Variants in LMTK2 observed in about 807,000 individuals in gnomAD.
LMTK2 encodes lemur tail kinase 2.
In LMTK2, 37 loss-of-function variants were observed where a neutral mutation model predicts 127.5. The ratio of observed to expected loss-of-function variants is 0.29; its 90% CI spans 0.22 to 0.38. LMTK2 has a LOEUF of 0.38. LMTK2 is among the 10% of genes least tolerant of loss of function. The pLI is 1.00. For missense variants in LMTK2, 1,694 were observed against 1,920.3 expected (o/e 0.88, Z 2.20); for synonymous variants, 819 against 810.1 (o/e 1.01, Z -0.19).
chr7:98,193,076 T>G lies in LMTK2; in HGVS notation c.2611T>G (p.Ser871Ala), dbSNP rs1279790579. 1.2e-6 allele frequency: 2 copies of G among 1,613,802 alleles called. No individual in the cohort carries two copies. Among genetic ancestry groups the G allele is most frequent in the African/African-American group, 2.7e-5 (2 of 75,030 alleles). ...TGTGACTGTCCCGGTTGAAATTCTCTCAACTGATGCCAGAACCCACAGCCT... is the reference window on the plus strand; with the variant it reads ...TGTGACTGTCCCGGTTGAAATTCTCGCAACTGATGCCAGAACCCACAGCCT... ...DAVTVPVEIL[S>A]TDARTHSLDN... is the part of the protein sequence containing the mutation. Residue 871 changes from serine (S) to alanine (A), a missense_variant, in exon 11 of 14, where the codon TCA becomes GCA. Transcript: ENST00000297293. This position sits in a 1 kb window ranked among gnomAD's most constrained non-coding sequence, Gnocchi z 4.1.
chr7:98,196,355 G>A (rs933930821), intron 11 of LMTK2, among the ~76,000 whole-genome samples: 1 of 152,176 alleles, frequency 6.6e-6, no homozygotes, highest in South Asian at 2.1e-4. Context: ...ACACGCTGCC[G>A]TTTTCTAGTA....
intron 1 of LMTK2, among the ~76,000 whole-genome samples, chr7:98,116,461 TGAA>T (rs2116322748): frequency 6.6e-6 from 1 of 152,148 alleles, no homozygotes; most frequent in Admixed American, 6.6e-5. Flanking sequence ...TGTGTGTGTG[TGAA>T]GGAGAGGGTA....
chr7:98,166,815 A>G (rs1584274864), intron 6 of LMTK2, among the ~76,000 whole-genome samples: 1 of 152,230 alleles, frequency 6.6e-6, no homozygotes, highest in Admixed American at 6.5e-5. Context: ...TGTTTGCACG[A>G]TGGTGAAATT....
chr7:98,125,528 T>C (rs1279580346), intron 1 of LMTK2, among the ~76,000 whole-genome samples: 1 of 152,218 alleles, frequency 6.6e-6, no homozygotes, highest in East Asian at 1.9e-4. Flanking sequence ...TTCTGCCTGG[T>C]GAACTTCACA....
At chr7:98,185,204 GC>G in intron 8 of LMTK2, 69 bp downstream of exon 8, 1 of 1,069,772 alleles carries the variant, frequency 9.3e-7, no homozygotes, top group Non-Finnish European at 1.4e-6. Context: ...GTCACCAAAT[GC>G]CCCACTGTTT....
chr7:98,194,612 A>G lies in LMTK2; in HGVS notation c.4107+40A>G, dbSNP rs751989470. On this transcript the variant is annotated intron_variant, in intron 11 of 13. Transcript: ENST00000297293. The surrounding 1 kb of genome is among the most constrained non-coding windows in gnomAD (Gnocchi z 5.4). ...TAAATCATTTTCTATACACATCCAT[A>G]TAAGGATTCCAAAATGTGCTAGGAA... The G allele has an allele frequency of 8.0e-6, 12 of 1,506,200 alleles. No homozygotes were observed. In the East Asian group the frequency reaches 1.1e-4, roughly 14 times the overall value. The allele number at this position is 1,506,200 out of a possible 1,614,324, so 93.3% of individuals were successfully genotyped here.
chr7:98,148,833 G>T (rs1796809723), intron 3 of LMTK2, among the ~76,000 whole-genome samples: 1 of 152,192 alleles, frequency 6.6e-6, no homozygotes, highest in African/African-American at 2.4e-5. Context: ...TGGGCCTGAA[G>T]ACCAGCTCCA....
intron 11 of LMTK2, among the ~76,000 whole-genome samples, chr7:98,200,437 C>G (rs1046159189): frequency 6.6e-6 from 1 of 152,180 alleles, no homozygotes; most frequent in African/African-American, 2.4e-5. Context: ...TTCTTTTCAA[C>G]CCAAAACAGA....
rs772100416 is a variant in LMTK2, at chr7:98,107,292, C to A, written c.103+12C>A. 1.2e-5 allele frequency: 15 copies of A among 1,279,600 alleles called. No individual in the cohort carries two copies. Among genetic ancestry groups the A allele is most frequent in the Non-Finnish European group, 1.5e-5 (15 of 1,010,478 alleles). The allele number at this position is 1,279,600 out of a possible 1,614,324, so 79.3% of individuals were successfully genotyped here. A position where few individuals can be genotyped will look rare whatever the true frequency, so the allele number is the denominator to read the frequency against. On this transcript the variant is annotated intron_variant, in intron 1 of 13. Coordinates refer to ENST00000297293, the MANE Select transcript of LMTK2 (RefSeq NM_014916.4). ...GCAAACAGGTGCAGGTGAGCGGGCC[C>A]GCGGCGGGGACGGGGCTGCGGGGTC...
intron 6 of LMTK2, among the ~76,000 whole-genome samples, chr7:98,165,543 C>G (rs993217626): frequency 1.3e-5 from 2 of 152,114 alleles, no homozygotes; most frequent in Non-Finnish European, 2.9e-5. Context: ...TCTCAAACTC[C>G]TGGTCTCAAG....
chr7:98,113,039 G>A (rs1410875274), intron 1 of LMTK2, among the ~76,000 whole-genome samples: 1 of 152,090 alleles, frequency 6.6e-6, no homozygotes, highest in African/African-American at 2.4e-5. Context: ...ACAGGTGTGT[G>A]CCACCATGCC....
Position 98,166,674 on chromosome 7 carries a change from T to TG in LMTK2, c.658-4865dup, listed in dbSNP as rs150206056. On this transcript the variant is annotated intron_variant, in intron 6 of 13. Transcript: ENST00000297293. Reference sequence around the variant, plus strand: ...AGAAATACTTGCCATCGTGTTACAGTGGCTTACACTGTTTTCAGTGCAGTA... The same window carrying TG: ...AGAAATACTTGCCATCGTGTTACAGTGGGCTTACACTGTTTTCAGTGCAGTA... Among the ~76,000 whole-genome samples the TG allele has an allele frequency of 4.2e-3, 638 of 152,330 alleles. 3 individuals are homozygous for TG. Among genetic ancestry groups the TG allele is most frequent in the African/African-American group, 0.015 (616 of 41,568 alleles).
At chr7:98,127,844 TAAA>T (rs1051794067) in intron 1 of LMTK2, among the ~76,000 whole-genome samples, 1 of 152,106 alleles carries the variant, frequency 6.6e-6, no homozygotes, top group African/African-American at 2.4e-5. Context: ...TTTGTACACT[TAAA>T]AATAAAAAAT....
Position 98,173,207 on chromosome 7 carries a change from C to T in LMTK2, c.791+1533C>T, listed in dbSNP as rs138456843. On this transcript the variant is annotated intron_variant, in intron 7 of 13. Transcript: ENST00000297293. ...AGTACCGTGCCTATCAGACTGTCAA[C>T]ATTCCTTCAAGGGGGGACAGAGGAA... Among the ~76,000 whole-genome samples, 399 of 152,288 alleles carry T rather than the reference C, an allele frequency of 2.6e-3. 2 individuals carry two copies. The highest frequency in any genetic ancestry group is 4.6e-3 in the Non-Finnish European group (313 of 68,026).
intron 1 of LMTK2, among the ~76,000 whole-genome samples, chr7:98,131,585 G>A (rs1796520738): frequency 6.6e-6 from 1 of 152,064 alleles, no homozygotes; most frequent in Non-Finnish European, 1.5e-5. Flanking sequence ...TGTTGCATAG[G>A]TGGTGATGTG....
In LMTK2 at chr7:98,192,838, T is replaced by TGAC; in HGVS notation, c.2376_2378dup (p.Asp793dup). On this transcript the variant is annotated inframe_insertion, in exon 11 of 14. Transcript: ENST00000297293. ...TGCAGGAAAACGTAAGCACAAAGGG[T>TGAC]GACGATACAGATGTCATGCTCACAG... is the stretch of plus-strand genomic sequence containing the variant. The TGAC allele has an allele frequency of 2.5e-6, 4 of 1,613,756 alleles. No homozygotes were observed. Among genetic ancestry groups the TGAC allele is most frequent in the Non-Finnish European group, 3.4e-6 (4 of 1,179,778 alleles).
At chr7:98,107,390 G>C in intron 1 of LMTK2, 110 bp downstream of exon 1, 1 of 460,286 alleles carries the variant, frequency 2.2e-6, no homozygotes, top group Non-Finnish European at 3.4e-6. Context: ...CCTGCCGGGG[G>C]CGGGAAGCCC....
At chr7:98,135,199 C>A (rs1350592271) in intron 1 of LMTK2, among the ~76,000 whole-genome samples, 1 of 152,208 alleles carries the variant, frequency 6.6e-6, no homozygotes, top group Non-Finnish European at 1.5e-5. Context: ...TTTTTCCTCT[C>A]TTCAAGTACC....
intron 12 of LMTK2, 101 bp from the exon 13 acceptor site, chr7:98,203,843 G>A (rs1797745588): frequency 5.1e-6 from 8 of 1,576,008 alleles, no homozygotes; most frequent in East Asian, 2.2e-5. Context: ...CAGCCGGGCC[G>A]GGCTGTGTCT....
Sources: allele counts gnomAD v4.1 joint callset (sites outside exome capture counted in the v4.1 genomes callset), GRCh38; gene constraint gnomAD v4.1.1; non-coding constraint Gnocchi (gnomAD v3.1); transcripts MANE v1.5; gene names NCBI Gene and HGNC (gene_info 2026-07-23, HGNC 2026-07-21).